Variants in SAMD5 observed in about 807,000 individuals in gnomAD.
SAMD5 encodes sterile alpha motif domain containing 5, also known as sterile alpha motif domain-containing protein 5.
Under a neutral mutation model 11.3 loss-of-function variants are expected in SAMD5, and 13 were observed. The ratio of observed to expected loss-of-function variants is 1.15; its 90% CI spans 0.75 to 1.83. SAMD5 has a LOEUF of 1.83. Among genes scored for constraint, SAMD5 ranks in the 40% most tolerant of loss-of-function variants. The probability of loss-of-function intolerance (pLI) is 0.00; values close to 1 mark genes in which losing one functional copy is unlikely to be tolerated. For missense variants in SAMD5, 255 were observed against 239.1 expected (o/e 1.07, Z -0.44); for synonymous variants, 129 against 111.3 (o/e 1.16, Z -1.00).
the SAMD5 span, among the ~76,000 whole-genome samples, chr6:147,829,548 T>C: frequency 1.3e-5 from 2 of 152,330 alleles, no homozygotes; most frequent in Admixed American, 1.3e-4. Flanking sequence ...CCAAAGTTTG[T>C]GTGCACATAT....
the SAMD5 span, among the ~76,000 whole-genome samples, chr6:147,902,625 A>G: frequency 1.3e-5 from 2 of 152,340 alleles, no homozygotes; most frequent in East Asian, 3.9e-4. Flanking sequence ...TAATGCTAAT[A>G]AAAGATTTAA....
At chr6:147,630,349 G>A (rs956511370) in intron 1 of SAMD5, among the ~76,000 whole-genome samples, 6 of 152,212 alleles carry the variant, frequency 3.9e-5, no homozygotes, top group Admixed American at 6.5e-5. Context: ...TGATGTGAGA[G>A]AGACTTGTGA....
At chr6:147,786,648 C>T in the SAMD5 span, among the ~76,000 whole-genome samples, 1 of 152,206 alleles carries the variant, frequency 6.6e-6, no homozygotes, top group African/African-American at 2.4e-5. Context: ...CAGAGAACAG[C>T]AGACTATTAA....
At chr6:147,903,753 T>G in the SAMD5 span, among the ~76,000 whole-genome samples, 1 of 151,778 alleles carries the variant, frequency 6.6e-6, no homozygotes, top group African/African-American at 2.4e-5. Context: ...ACTAAAAATA[T>G]AAAAATTAGC....
At chr6:147,872,493 AG>A in the SAMD5 span, among the ~76,000 whole-genome samples, 1 of 152,194 alleles carries the variant, frequency 6.6e-6, no homozygotes, top group Non-Finnish European at 1.5e-5. Flanking sequence ...CATCCCAGTA[AG>A]GGTGGGTTAT....
intron 1 of SAMD5, among the ~76,000 whole-genome samples, chr6:147,600,961 C>A: frequency 6.6e-6 from 1 of 152,292 alleles, no homozygotes; most frequent in Non-Finnish European, 1.5e-5. Context: ...AAAACTAGAT[C>A]ATCACAATCG....
At chr6:147,935,314 G>C in the SAMD5 span, among the ~76,000 whole-genome samples, 615 of 152,254 alleles carry the variant, frequency 4.0e-3, 3 homozygotes, top group African/African-American at 0.014. Context: ...CTTGAAGGAA[G>C]ATGAAGCTTA....
chr6:147,736,953 T>C (rs966161664), intron 1 of SAMD5, among the ~76,000 whole-genome samples: 46 of 152,134 alleles, frequency 3.0e-4, no homozygotes, highest in Non-Finnish European at 6.3e-4. Context: ...CCAGCCTTAT[T>C]TGGGTTTTGA....
chr6:147,599,578 A>T (rs575966098), intron 1 of SAMD5, among the ~76,000 whole-genome samples: 1 of 152,312 alleles, frequency 6.6e-6, no homozygotes, highest in East Asian at 1.9e-4. Flanking sequence ...GTAAAAGGAC[A>T]TGTCCACATA....
At chr6:147,815,573 T>C in the SAMD5 span, among the ~76,000 whole-genome samples, 1 of 152,228 alleles carries the variant, frequency 6.6e-6, no homozygotes, top group East Asian at 1.9e-4. Context: ...ACAAGTGTTC[T>C]AGAAAGGGTC....
chr6:147,601,079 G>C (rs543554412), intron 1 of SAMD5, among the ~76,000 whole-genome samples: 1 of 152,276 alleles, frequency 6.6e-6, no homozygotes, highest in South Asian at 2.1e-4. Context: ...AGATTTATTA[G>C]CTTTCTATTG....
downstream of SAMD5, among the ~76,000 whole-genome samples, chr6:147,739,356 G>A (rs1791846827): frequency 6.6e-6 from 1 of 152,172 alleles, no homozygotes; most frequent in African/African-American, 2.4e-5. Flanking sequence ...AGCACCTTGG[G>A]AGGCGCAGGC....
the SAMD5 span, among the ~76,000 whole-genome samples, chr6:147,943,858 A>C: frequency 8.5e-5 from 13 of 152,210 alleles, no homozygotes; most frequent in African/African-American, 3.1e-4. Flanking sequence ...AAAATTCTGC[A>C]TGTGTAAAAA....
chr6:147,669,942 A>G (rs1008491669), intron 1 of SAMD5, among the ~76,000 whole-genome samples: 2 of 152,182 alleles, frequency 1.3e-5, no homozygotes, highest in African/African-American at 4.8e-5. Flanking sequence ...AAAGGTTTCA[A>G]TTTACTTTGC....
chr6:147,693,165 A>ACACTGGC (rs1364173342), intron 1 of SAMD5, among the ~76,000 whole-genome samples: 1 of 152,232 alleles, frequency 6.6e-6, no homozygotes, highest in Admixed American at 6.5e-5. Flanking sequence ...TGTCTGGACT[A>ACACTGGC]CACTGGCACC....
chr6:147,837,158 A>G, the SAMD5 span, among the ~76,000 whole-genome samples: 1 of 152,110 alleles, frequency 6.6e-6, no homozygotes, highest in South Asian at 2.1e-4. Context: ...GTTTCTTATT[A>G]TTTAAGTGGA....
At chr6:147,736,873 T>C (rs1376497928) in intron 1 of SAMD5, among the ~76,000 whole-genome samples, 2 of 152,300 alleles carry the variant, frequency 1.3e-5, no homozygotes, top group Admixed American at 6.5e-5. Context: ...TGATTTAATA[T>C]TGCTAACAGA....
At chr6:147,638,630 T>A (rs967435412) in intron 1 of SAMD5, among the ~76,000 whole-genome samples, 1 of 152,176 alleles carries the variant, frequency 6.6e-6, no homozygotes, top group Non-Finnish European at 1.5e-5. Context: ...CTCGGGTAAC[T>A]GTGTGTGCGT....
At chr6:147,708,148 A>G (rs1415648589) in intron 1 of SAMD5, among the ~76,000 whole-genome samples, 1 of 152,150 alleles carries the variant, frequency 6.6e-6, no homozygotes, top group African/African-American at 2.4e-5. Flanking sequence ...TATGGTCTTT[A>G]TGGAGGGTAC....
Sources: gnomAD v4.1 joint callset for allele counts (sites outside exome capture counted in the v4.1 genomes callset) on GRCh38, gnomAD v4.1.1 for gene constraint, MANE v1.5 for transcripts, NCBI Gene and HGNC (gene_info 2026-07-23, HGNC 2026-07-21) for gene names.